DLGAP2: variants seen among roughly 807,000 people sequenced by gnomAD.
The protein encoded by DLGAP2 is DLG associated protein 2.
DLGAP2 carries 26 observed loss-of-function variants against 100.3 expected under a neutral mutation model. That is an observed-to-expected ratio of 0.26 (90% confidence interval 0.19 to 0.36). DLGAP2 has a LOEUF of 0.36. DLGAP2 is among the 10% of genes least tolerant of loss of function. The pLI is 1.00. For missense variants in DLGAP2, 1,858 were observed against 1,453.2 expected, an observed-to-expected ratio of 1.28 and a Z score of -4.53; for synonymous variants, 886 against 630.1, an observed-to-expected ratio of 1.41 and a Z score of -6.08.
At chr8:821,153 C>G (rs779931277) in intron 1 of DLGAP2, among the ~76,000 whole-genome samples, 4 of 152,168 alleles carry the variant, frequency 2.6e-5, no homozygotes, top group Non-Finnish European at 4.4e-5. Flanking sequence ...TAGAATTTTA[C>G]ATTTGAAAGT....
chr8:1,639,245 A>G (rs934673895), intron 8 of DLGAP2, among the ~76,000 whole-genome samples: 1 of 152,152 alleles, frequency 6.6e-6, no homozygotes, highest in Non-Finnish European at 1.5e-5. Context: ...CCACAGCGTC[A>G]GCATCGTGGG....
chr8:1,151,557 C>T (rs139951420), intron 2 of DLGAP2, among the ~76,000 whole-genome samples: 79 of 152,272 alleles, frequency 5.2e-4, no homozygotes, highest in East Asian at 3.1e-3. Flanking sequence ...CTGACGATTC[C>T]GGTTGTTCTT....
At chr8:904,993 A>C (rs1584878775) in intron 1 of DLGAP2, among the ~76,000 whole-genome samples, 1 of 152,194 alleles carries the variant, frequency 6.6e-6, no homozygotes, top group Non-Finnish European at 1.5e-5. Context: ...AGCCTTCCAG[A>C]GGCCGTGGCT....
At chr8:1,339,485 G>C (rs1246538196) in intron 3 of DLGAP2, among the ~76,000 whole-genome samples, 1 of 152,226 alleles carries the variant, frequency 6.6e-6, no homozygotes, top group African/African-American at 2.4e-5. Context: ...CCCTTGGTGA[G>C]CTCCATTCTG....
At chr8:1,520,130 A>G (rs184143801) in intron 4 of DLGAP2, among the ~76,000 whole-genome samples, 1 of 152,350 alleles carries the variant, frequency 6.6e-6, no homozygotes, top group Non-Finnish European at 1.5e-5. Flanking sequence ...ACCATGGGCT[A>G]TACACCTGAT....
At chr8:1,529,317 G>T (rs372478026) in intron 4 of DLGAP2, among the ~76,000 whole-genome samples, 1 of 152,134 alleles carries the variant, frequency 6.6e-6, no homozygotes, top group African/African-American at 2.4e-5. Context: ...ACCTCCACTT[G>T]GTCTCTCCCT....
chr8:1,349,721 C>G (rs1801663133), intron 3 of DLGAP2, among the ~76,000 whole-genome samples: 1 of 152,044 alleles, frequency 6.6e-6, no homozygotes. Context: ...GAGCCTCCCG[C>G]CCACATCCAC....
At chr8:1,675,042 A>C (rs971323281) in intron 10 of DLGAP2, among the ~76,000 whole-genome samples, 1 of 152,200 alleles carries the variant, frequency 6.6e-6, no homozygotes. Context: ...TCACTCAAGA[A>C]TGTTCTTCCT....
chr8:1,199,994 C>A (rs1393942697), intron 2 of DLGAP2, among the ~76,000 whole-genome samples: 2 of 152,102 alleles, frequency 1.3e-5, no homozygotes, highest in African/African-American at 4.8e-5. Context: ...CTGTGCATCC[C>A]CGGGGGTCCC....
At chr8:1,464,879 G>A (rs955877541) in intron 3 of DLGAP2, among the ~76,000 whole-genome samples, 1 of 152,076 alleles carries the variant, frequency 6.6e-6, no homozygotes. Flanking sequence ...GGAGGACATA[G>A]AATCACTCTT....
chr8:1,534,152 AGATT>A (rs1474964577), intron 4 of DLGAP2, among the ~76,000 whole-genome samples: 2 of 152,222 alleles, frequency 1.3e-5, no homozygotes, highest in Non-Finnish European at 2.9e-5. Context: ...TAAAAGAGAA[AGATT>A]GATTGGTTGG....
chr8:944,659 G>A (rs1799273390), intron 2 of DLGAP2, among the ~76,000 whole-genome samples: 1 of 151,988 alleles, frequency 6.6e-6, no homozygotes, highest in Non-Finnish European at 1.5e-5. Context: ...GTGATCCAGT[G>A]GGTGGTAATG....
chr8:1,632,279 G>A (rs999767025), intron 7 of DLGAP2, among the ~76,000 whole-genome samples: 6 of 152,194 alleles, frequency 3.9e-5, no homozygotes, highest in Non-Finnish European at 7.3e-5. Context: ...GCCGTAATGG[G>A]GATAAGGAGA....
intron 2 of DLGAP2, among the ~76,000 whole-genome samples, chr8:980,846 C>T (rs192291582): frequency 1.3e-5 from 2 of 152,194 alleles, no homozygotes; most frequent in African/African-American, 4.8e-5. Context: ...GGACAACGGG[C>T]AGCAGTTAGG....
chr8:1,385,869 A>G (rs1298775570), intron 3 of DLGAP2, among the ~76,000 whole-genome samples: 4 of 148,592 alleles, frequency 2.7e-5, no homozygotes, highest in Admixed American at 2.7e-4. Flanking sequence ...GTGCACAGTT[A>G]CCCGGCCTGT....
In DLGAP2 at chr8:1,707,773, G is replaced by C. The variant is rs989590641; in HGVS notation, c.*6367G>C. ...ACTAGCTGTTTAAAGTTTTAAAGAA[G>C]TATATAAATATATATATAAATATAA... On this transcript the variant is annotated 3_prime_UTR_variant, in exon 15 of 15. Coordinates refer to ENST00000637795, the MANE Select transcript of DLGAP2 (RefSeq NM_001346810.2). 6.6e-6 allele frequency: 1 copy of C among 152,254 alleles called. No individual in the cohort carries two copies. The highest frequency in any genetic ancestry group is 2.4e-5 in the African/African-American group (1 of 41,384). 9.4% of individuals were successfully genotyped at this position (152,254 alleles called of 1,614,324 possible).
intron 2 of DLGAP2, among the ~76,000 whole-genome samples, chr8:1,119,993 T>C (rs1477999372): frequency 6.6e-6 from 1 of 152,214 alleles, no homozygotes; most frequent in East Asian, 1.9e-4. Context: ...TCAGCACTTT[T>C]AGGGCTGGGC....
rs932161546 is a variant in DLGAP2, at chr8:1,192,591, C to T, written c.74-66260C>T. Reference sequence around the variant, plus strand: ...GCCCCGCCCTCCCTCTCCACTCCCACGAGTCTGAGTGTCTTGGATGCATCA... The same window carrying T: ...GCCCCGCCCTCCCTCTCCACTCCCATGAGTCTGAGTGTCTTGGATGCATCA... On this transcript the variant is annotated intron_variant, in intron 2 of 14. Transcript: ENST00000637795. Among the ~76,000 whole-genome samples the T allele has an allele frequency of 7.3e-5, 11 of 151,684 alleles. No individual in the cohort carries two copies. In the East Asian group the frequency reaches 1.2e-3, roughly 16 times the overall value.
chr8:1,512,994 G>C (rs953013410), intron 4 of DLGAP2, among the ~76,000 whole-genome samples: 1 of 152,218 alleles, frequency 6.6e-6, no homozygotes, highest in Non-Finnish European at 1.5e-5. Flanking sequence ...GGATCAGTGG[G>C]ATAAGCATCT....
Sources: gnomAD v4.1 joint callset for allele counts (sites outside exome capture counted in the v4.1 genomes callset) on GRCh38, gnomAD v4.1.1 for gene constraint, MANE v1.5 for transcripts, NCBI Gene and HGNC (gene_info 2026-07-23, HGNC 2026-07-21) for gene names.